The following ATG7 variants were observed in gnomAD, a reference collection of about 807,000 sequenced individuals.
ATG7 encodes the protein ubiquitin-like modifier-activating enzyme ATG7.
A neutral mutation model predicts 82.4 loss-of-function variants in ATG7; 70 were observed. The ratio of observed to expected loss-of-function variants is 0.85; its 90% CI spans 0.70 to 1.04. The LOEUF (loss-of-function observed/expected upper bound fraction) is 1.04. ATG7 is among the 50% of genes least tolerant of loss of function. The pLI, the probability that ATG7 is intolerant of heterozygous loss-of-function variation, is 0.00. For missense variants in ATG7, 792 were observed against 864.3 expected (o/e 0.92, Z 1.05); for synonymous variants, 287 against 313.0 (o/e 0.92, Z 0.88).
intron 19 of ATG7, among the ~76,000 whole-genome samples, chr3:11,409,773 T>C (rs1361894646): frequency 3.9e-5 from 4 of 103,258 alleles, no homozygotes; most frequent in Non-Finnish European, 8.6e-5. Flanking sequence ...TGTGTCTAGA[T>C]TCTTTTTTTT....
intron 19 of ATG7, among the ~76,000 whole-genome samples, chr3:11,400,798 TAAAAG>T (rs1205191605): frequency 6.6e-6 from 1 of 151,996 alleles, no homozygotes; most frequent in African/African-American, 2.4e-5. Context: ...ACTTCAAAAT[TAAAAG>T]AAACTCAACC....
chr3:11,373,705 A>G (rs73127248), intron 18 of ATG7, among the ~76,000 whole-genome samples: 1 of 152,172 alleles, frequency 6.6e-6, no homozygotes, highest in Non-Finnish European at 1.5e-5. Context: ...GCCTCTCTCA[A>G]TAGGTATGTG....
intron 18 of ATG7, among the ~76,000 whole-genome samples, chr3:11,377,202 A>G (rs2077485282): frequency 6.6e-6 from 1 of 152,222 alleles, no homozygotes; most frequent in Non-Finnish European, 1.5e-5. Flanking sequence ...GTTGAGAAGA[A>G]GGGTTTCCTG....
At chr3:11,477,066 T>C (rs2088335356) in intron 20 of ATG7, 1 of 1,272,938 alleles carries the variant, frequency 7.9e-7, no homozygotes, top group African/African-American at 1.5e-5. Context: ...TATAATTATT[T>C]AACTGGCAAT....
At chr3:11,545,437 G>A (rs1464776307) in intron 20 of ATG7, among the ~76,000 whole-genome samples, 2 of 152,326 alleles carry the variant, frequency 1.3e-5, no homozygotes, top group Non-Finnish European at 2.9e-5. Context: ...ACCCTGGAGC[G>A]AGCCCTGCCT....
intron 20 of ATG7, among the ~76,000 whole-genome samples, chr3:11,528,849 TA>T (rs1322041814): frequency 3.5e-5 from 5 of 143,824 alleles, no homozygotes; most frequent in African/African-American, 1.3e-4. Flanking sequence ...AAAAAAAAGT[TA>T]AAACAGCATT....
chr3:11,305,494 A>T (rs1385447095), intron 5 of ATG7, among the ~76,000 whole-genome samples: 2 of 152,204 alleles, frequency 1.3e-5, no homozygotes, highest in Non-Finnish European at 2.9e-5. Context: ...TTTCAGCAGT[A>T]ATTTCATAAA....
At chr3:11,315,277 G>A in intron 8 of ATG7, 67 bp from the exon 9 acceptor site, 1 of 1,360,402 alleles carries the variant, frequency 7.4e-7, no homozygotes, top group South Asian at 1.7e-5. Context: ...TTTTTTTTGA[G>A]TTAGTTTTTA....
intron 11 of ATG7, among the ~76,000 whole-genome samples, chr3:11,334,710 C>T (rs865976659): frequency 6.6e-6 from 1 of 151,484 alleles, no homozygotes; most frequent in South Asian, 2.1e-4. Context: ...GTAATCCCAG[C>T]ACTTTGGGAG....
chr3:11,481,193 G>A (rs915260243), intron 20 of ATG7, among the ~76,000 whole-genome samples: 2 of 152,168 alleles, frequency 1.3e-5, no homozygotes, highest in East Asian at 1.9e-4. Flanking sequence ...GGGTTTAACC[G>A]GTACAAGGTT....
intron 19 of ATG7, among the ~76,000 whole-genome samples, chr3:11,385,932 A>G (rs1307372615): frequency 6.6e-6 from 1 of 152,144 alleles, no homozygotes; most frequent in East Asian, 1.9e-4. Flanking sequence ...TTGGAGTTGG[A>G]ATCTGGTATA....
At chr3:11,328,785 G>A (rs1159898097) in intron 9 of ATG7, among the ~76,000 whole-genome samples, 1 of 152,118 alleles carries the variant, frequency 6.6e-6, no homozygotes, top group African/African-American at 2.4e-5. Context: ...AATACAATAA[G>A]AGATATGAAA....
At chr3:11,454,319 T>G (rs2085486665) in intron 20 of ATG7, among the ~76,000 whole-genome samples, 1 of 152,212 alleles carries the variant, frequency 6.6e-6, no homozygotes, top group East Asian at 1.9e-4. Context: ...GCACATCGTG[T>G]TTCCCTGGCC....
chr3:11,312,433 T>A (rs1948806975), intron 7 of ATG7, among the ~76,000 whole-genome samples: 1 of 152,142 alleles, frequency 6.6e-6, no homozygotes, highest in South Asian at 2.1e-4. Context: ...ACAAATCCTT[T>A]CCCCTGGATC....
intron 19 of ATG7, among the ~76,000 whole-genome samples, chr3:11,397,531 C>A (rs941205377): frequency 6.6e-6 from 1 of 151,984 alleles, no homozygotes; most frequent in Non-Finnish European, 1.5e-5. Flanking sequence ...GATCTTGGGT[C>A]ACTGTAGCCT....
chr3:11,432,198 G>A (rs1381149255), intron 20 of ATG7, among the ~76,000 whole-genome samples: 4 of 152,136 alleles, frequency 2.6e-5, no homozygotes, highest in South Asian at 2.1e-4. Flanking sequence ...ACTGGTTGGC[G>A]TTGGAGATGG....
At chr3:11,453,204 G>A (rs1033367145) in intron 20 of ATG7, among the ~76,000 whole-genome samples, 1 of 150,176 alleles carries the variant, frequency 6.7e-6, no homozygotes, top group Admixed American at 6.6e-5. Flanking sequence ...GAGAACAGAC[G>A]GGGGGCGTGG....
chr3:11,297,631 T>TA (rs537620629), intron 3 of ATG7, among the ~76,000 whole-genome samples: 39 of 152,234 alleles, frequency 2.6e-4, no homozygotes, highest in African/African-American at 8.9e-4. Context: ...TAATAAAATA[T>TA]ATATCATGGC....
the ATG7 span, chr3:11,568,677 G>T: frequency 1.3e-6 from 2 of 1,554,588 alleles, no homozygotes; most frequent in South Asian, 1.2e-5. The surrounding 1 kb of genome is among the most constrained non-coding windows in gnomAD (Gnocchi z 5.9). Context: ...TCGCCCGGAT[G>T]AATCACCTCC....
Sources: gnomAD v4.1 joint callset for allele counts (sites outside exome capture counted in the v4.1 genomes callset) on GRCh38, gnomAD v4.1.1 for gene constraint, Gnocchi (gnomAD v3.1) non-coding constraint, MANE v1.5 for transcripts, NCBI Gene and HGNC (gene_info 2026-07-23, HGNC 2026-07-21) for gene names.